Variants in CSMD1 observed in about 807,000 individuals in gnomAD.
CSMD1 encodes CUB and Sushi multiple domains 1.
In CSMD1, 213 loss-of-function variants were observed where a neutral mutation model predicts 417.5. That is an observed-to-expected ratio of 0.51 (90% CI 0.46 to 0.57). The LOEUF (loss-of-function observed/expected upper bound fraction) is 0.57. Ranked by LOEUF, CSMD1 falls within the 20% of genes least tolerant of loss-of-function variation. The pLI, the probability that CSMD1 is intolerant of heterozygous loss-of-function variation, is 0.00. For synonymous variants in CSMD1, 2,862 were observed against 1,736.8 expected (o/e 1.65, Z -16.11); for missense variants, 6,923 against 4,529.7 (o/e 1.53, Z -15.17).
At chr8:4,948,257 T>C (rs1032097828) in intron 1 of CSMD1, among the ~76,000 whole-genome samples, 2 of 152,060 alleles carry the variant, frequency 1.3e-5, no homozygotes, top group Non-Finnish European at 2.9e-5. Flanking sequence ...TTTTTTATCG[T>C]CTTTACCATT....
At chr8:3,476,630 G>C (rs10109967) in intron 11 of CSMD1, among the ~76,000 whole-genome samples, 19 of 151,754 alleles carry the variant, frequency 1.3e-4, no homozygotes, top group African/African-American at 3.6e-4. Flanking sequence ...GATAAATAAT[G>C]AATCAGCCAG....
chr8:3,584,119 A>G (rs1159962748), intron 9 of CSMD1, among the ~76,000 whole-genome samples: 1 of 152,174 alleles, frequency 6.6e-6, no homozygotes, highest in African/African-American at 2.4e-5. Context: ...TTCTTACTAA[A>G]TTTATTAGAA....
chr8:4,575,463 C>A (rs1799093710), intron 2 of CSMD1, among the ~76,000 whole-genome samples: 1 of 152,178 alleles, frequency 6.6e-6, no homozygotes, highest in Admixed American at 6.5e-5. Flanking sequence ...TCATTAATTT[C>A]TCTGAACGTT....
rs565934133 is a variant in CSMD1, at chr8:4,702,814, C to A, written c.86-65256G>T. ...CAAAATAAATAATAATAGCGGGATT[C>A]ATCATATCTTCTCTTTGTCTTAGTT... On this transcript the variant is annotated intron_variant, in intron 1 of 69. Transcript: ENST00000635120. Among the ~76,000 whole-genome samples, 11 of 152,224 alleles carry A rather than the reference C, an allele frequency of 7.2e-5. No homozygotes were observed. In the East Asian group the frequency reaches 1.9e-3, roughly 27 times the overall value.
chr8:3,679,096 C>A (rs1268335572), intron 7 of CSMD1, among the ~76,000 whole-genome samples: 3 of 152,038 alleles, frequency 2.0e-5, no homozygotes, highest in Middle Eastern at 3.2e-3. Context: ...ATTGTAAAGA[C>A]CATCGAGGCT....
At chr8:2,953,561 C>T (rs892029822) in intron 65 of CSMD1, among the ~76,000 whole-genome samples, 3 of 151,652 alleles carry the variant, frequency 2.0e-5, no homozygotes, top group Non-Finnish European at 2.9e-5. Flanking sequence ...AACAAAATAC[C>T]CAACTTAAAT....
At chr8:4,029,998 C>G (rs1203293251) in intron 4 of CSMD1, among the ~76,000 whole-genome samples, 2 of 152,270 alleles carry the variant, frequency 1.3e-5, no homozygotes, top group African/African-American at 4.8e-5. Context: ...TGTCTCACAT[C>G]CAGGTCATGC....
At chr8:3,031,842 TTTGA>T (rs1810359308) in intron 50 of CSMD1, among the ~76,000 whole-genome samples, 1 of 144,956 alleles carries the variant, frequency 6.9e-6, no homozygotes, top group East Asian at 2.0e-4. Flanking sequence ...CTTAGGCTAG[TTTGA>T]TTATTTGCTC....
chr8:3,230,031 G>A lies in CSMD1; in HGVS notation c.4345+9C>T. On this transcript the variant is annotated intron_variant, in intron 27 of 69. Coordinates refer to ENST00000635120, the MANE Select transcript of CSMD1 (RefSeq NM_033225.6). ...GAATATAAAATTTCTAAGTTCTGTT[G>A]TCTGATACCTATGCATGTAGGAGGG... The A allele has an allele frequency of 6.4e-7, 1 of 1,562,068 alleles. No homozygotes were observed. Among genetic ancestry groups the A allele is most frequent in the Non-Finnish European group, 8.7e-7 (1 of 1,151,868 alleles).
intron 23 of CSMD1, among the ~76,000 whole-genome samples, chr8:3,315,432 A>G (rs952892391): frequency 2.4e-4 from 13 of 54,106 alleles, no homozygotes; most frequent in East Asian, 7.1e-4. Flanking sequence ...ATTCTAGGTG[A>G]AGTGAGTGTG....
At chr8:3,398,500 G>A (rs1291561197) in intron 16 of CSMD1, among the ~76,000 whole-genome samples, 1 of 152,132 alleles carries the variant, frequency 6.6e-6, no homozygotes, top group Admixed American at 6.5e-5. Context: ...TTCCTGTGTT[G>A]ATGTTAGCAT....
intron 1 of CSMD1, among the ~76,000 whole-genome samples, chr8:4,723,800 A>AAG (rs1554457671): frequency 2.5e-5 from 3 of 120,844 alleles, no homozygotes; most frequent in African/African-American, 1.1e-4. Context: ...AAAAAAAAAA[A>AAG]CAAAAAAAAA....
intron 52 of CSMD1, among the ~76,000 whole-genome samples, chr8:3,000,563 G>C (rs909896624): frequency 1.3e-5 from 2 of 152,146 alleles, no homozygotes; most frequent in Non-Finnish European, 2.9e-5. Flanking sequence ...AGATAGACTA[G>C]ATAATCAAAT....
At chr8:3,597,313 C>T (rs951461427) in intron 8 of CSMD1, among the ~76,000 whole-genome samples, 3 of 152,096 alleles carry the variant, frequency 2.0e-5, no homozygotes, top group South Asian at 2.1e-4. Flanking sequence ...CACAGCTTCC[C>T]AGCACGTTTG....
At chr8:4,074,166 C>G (rs960886188) in intron 3 of CSMD1, among the ~76,000 whole-genome samples, 2 of 151,966 alleles carry the variant, frequency 1.3e-5, no homozygotes, top group African/African-American at 4.8e-5. Context: ...TAATGCATAA[C>G]TTGTATGGTC....
intron 6 of CSMD1, among the ~76,000 whole-genome samples, chr8:3,716,653 T>C (rs1001426761): frequency 1.3e-5 from 2 of 152,132 alleles, no homozygotes; most frequent in African/African-American, 4.8e-5. Flanking sequence ...ACCTCCTCTC[T>C]CATCCTGTGA....
intron 5 of CSMD1, among the ~76,000 whole-genome samples, chr8:3,877,738 C>A (rs774000122): frequency 2.6e-5 from 4 of 152,020 alleles, no homozygotes; most frequent in Non-Finnish European, 4.4e-5. Context: ...CAAGTTTGAC[C>A]GTTAATAATT....
At chr8:4,388,787 T>G (rs898823833) in intron 3 of CSMD1, among the ~76,000 whole-genome samples, 5 of 152,228 alleles carry the variant, frequency 3.3e-5, no homozygotes, top group African/African-American at 1.2e-4. Flanking sequence ...ATTCAGTCCT[T>G]GATCCTCCCA....
intron 3 of CSMD1, among the ~76,000 whole-genome samples, chr8:4,083,347 G>C (rs1319293435): frequency 6.6e-6 from 1 of 151,766 alleles, no homozygotes; most frequent in African/African-American, 2.4e-5. Context: ...GTTTTGATTT[G>C]CATTTCTCTG....
Sources: gnomAD v4.1 joint callset for allele counts (sites outside exome capture counted in the v4.1 genomes callset) on GRCh38, gnomAD v4.1.1 for gene constraint, MANE v1.5 for transcripts, NCBI Gene and HGNC (gene_info 2026-07-23, HGNC 2026-07-21) for gene names.